RYR3: variants seen among roughly 807,000 people sequenced by gnomAD.
RYR3 encodes the protein ryanodine receptor 3.
RYR3 carries 207 observed loss-of-function variants against 584.3 expected under a neutral mutation model. The ratio of observed to expected loss-of-function variants is 0.35; its 90% CI spans 0.32 to 0.40. The LOEUF (loss-of-function observed/expected upper bound fraction) is 0.40, where lower values mean the gene tolerates loss of function less well. Among genes scored for constraint, RYR3 ranks in the 10% least tolerant of loss-of-function variants. The pLI is 1.00. For missense variants in RYR3, 5,616 were observed against 6,089.2 expected, an observed-to-expected ratio of 0.92 and a Z score of 2.59; for synonymous variants, 2,416 against 2,248.5, an observed-to-expected ratio of 1.07 and a Z score of -2.11.
chr15:33,323,949 G>A (rs16969324), intron 1 of RYR3, among the ~76,000 whole-genome samples: 10,707 of 152,226 alleles, frequency 0.07, 599 homozygotes, highest in African/African-American at 0.15. Flanking sequence ...ATGCAGATTA[G>A]AAGGCAGGTT....
chr15:33,841,525 A>G (rs12441112), intron 90 of RYR3, among the ~76,000 whole-genome samples: 33,830 of 152,150 alleles, frequency 0.22, 4,098 homozygotes, highest in South Asian at 0.35. Flanking sequence ...CTTTTATACA[A>G]TATCTTATTA....
At chr15:33,766,620 C>T (rs998744011) in intron 60 of RYR3, among the ~76,000 whole-genome samples, 7 of 152,342 alleles carry the variant, frequency 4.6e-5, no homozygotes, top group South Asian at 2.1e-4. Flanking sequence ...CCATTTGTCA[C>T]GGCTGGAATA....
chr15:33,447,176 G>C (rs1436335761), intron 1 of RYR3, among the ~76,000 whole-genome samples: 1 of 152,208 alleles, frequency 6.6e-6, no homozygotes, highest in African/African-American at 2.4e-5. Flanking sequence ...TTTGGAGACA[G>C]CTTCTATTTC....
chr15:33,660,346 G>A lies in RYR3; in HGVS notation c.4545G>A (p.Val1515=), dbSNP rs774289253. The change falls in exon 34 of 104, where the codon GTG becomes GTA. Residue 1515 remains valine, a synonymous_variant. Coordinates refer to ENST00000634891, the MANE Select transcript of RYR3 (RefSeq NM_001036.6). ...NSFLKVETER[V]SERHGWVVQC... ...TCCTGAAGGTGGAGACCGAGCGTGT[G>A]AGCGAGCGCCACGGCTGGGTGGTGC... is the stretch of plus-strand genomic sequence containing the variant. The A allele has an allele frequency of 3.3e-5, 52 of 1,592,502 alleles. No homozygotes were observed. Among genetic ancestry groups the A allele is most frequent in the Non-Finnish European group, 4.3e-5 (50 of 1,170,020 alleles).
chr15:33,634,783 T>C (rs749995657), intron 25 of RYR3, 50 bp downstream of exon 25: 5 of 1,536,292 alleles, frequency 3.3e-6, no homozygotes, highest in Non-Finnish European at 9.0e-7. Flanking sequence ...AAACAGGTCC[T>C]CTTCTTGGGG....
At chr15:33,625,352 C>G (rs1213196730) in intron 20 of RYR3, among the ~76,000 whole-genome samples, 2 of 152,164 alleles carry the variant, frequency 1.3e-5, no homozygotes, top group Admixed American at 1.3e-4. Flanking sequence ...AACTATATCA[C>G]TTTTGATATC....
chr15:33,666,629 C>T (rs77197918), intron 36 of RYR3, among the ~76,000 whole-genome samples: 2 of 152,030 alleles, frequency 1.3e-5, no homozygotes, highest in Non-Finnish European at 2.9e-5. Context: ...CAGTGATATC[C>T]TTCTACAACC....
intron 2 of RYR3, among the ~76,000 whole-genome samples, chr15:33,503,202 C>G (rs987002243): frequency 7.2e-5 from 11 of 152,148 alleles, no homozygotes; most frequent in African/African-American, 2.7e-4. Flanking sequence ...AATGGATTCT[C>G]TATTAGGGTC....
At chr15:33,820,886 G>A in intron 78 of RYR3, 74 bp downstream of exon 78, 6 of 927,476 alleles carry the variant, frequency 6.5e-6, no homozygotes, top group Middle Eastern at 2.2e-4. Context: ...GGTGGGTGCT[G>A]ACATTAGCCT....
chr15:33,778,888 T>C (rs371049598), intron 64 of RYR3, among the ~76,000 whole-genome samples: 52 of 152,246 alleles, frequency 3.4e-4, no homozygotes, highest in African/African-American at 1.2e-3. Context: ...TTTGAAGTTA[T>C]CGGCTCAAAT....
chr15:33,657,092 T>C (rs1008571838), intron 32 of RYR3, among the ~76,000 whole-genome samples: 3 of 152,192 alleles, frequency 2.0e-5, no homozygotes, highest in African/African-American at 7.2e-5. Flanking sequence ...TACACCCTCA[T>C]GAGCCCACAC....
At chr15:33,458,259 G>A (rs1039690649) in intron 1 of RYR3, among the ~76,000 whole-genome samples, 2 of 152,148 alleles carry the variant, frequency 1.3e-5, no homozygotes, top group Non-Finnish European at 2.9e-5. Flanking sequence ...CCCAATGTGA[G>A]GGGGCATCAT....
At chr15:33,788,701 C>A (rs994899635) in intron 67 of RYR3, among the ~76,000 whole-genome samples, 8 of 152,220 alleles carry the variant, frequency 5.3e-5, no homozygotes, top group African/African-American at 1.2e-4. Context: ...CGGGCTACCA[C>A]AGGTCAGAGG....
Position 33,578,779 on chromosome 15 carries a change from C to CAAAAA in RYR3, c.1269-1195_1269-1194insAAAAA, listed in dbSNP as rs371204542. On this transcript the variant is annotated intron_variant, in intron 12 of 103. Transcript: ENST00000634891. ...AGAACTTAGAATAAAAAAAAAAAAA[C>CAAAAA]AACAACAAAAAAAAACTCCTCGTGA... is the stretch of plus-strand genomic sequence containing the variant. Among the ~76,000 whole-genome samples the CAAAAA allele has an allele frequency of 1.1e-3, 76 of 71,918 alleles. 4 individuals carry two copies. The highest frequency in any genetic ancestry group is 1.1e-3 in the South Asian group (2 of 1,868). The allele number at this position is 71,918 out of a possible 152,430, so 47.2% of individuals were successfully genotyped here. A position where few individuals can be genotyped will look rare whatever the true frequency, so the allele number is the denominator to read the frequency against.
intron 1 of RYR3, among the ~76,000 whole-genome samples, chr15:33,360,921 A>G (rs1196218417): frequency 6.6e-6 from 1 of 152,230 alleles, no homozygotes; most frequent in African/African-American, 2.4e-5. Context: ...TTGCACACCC[A>G]CTTCCCCATT....
chr15:33,844,228 CCTT>C (rs2078567861), intron 92 of RYR3, among the ~76,000 whole-genome samples: 1 of 152,154 alleles, frequency 6.6e-6, no homozygotes, highest in African/African-American at 2.4e-5. Context: ...AAACTAATGA[CCTT>C]CTGTTGCCCA....
At chr15:33,418,527 G>A (rs2043993328) in intron 1 of RYR3, among the ~76,000 whole-genome samples, 1 of 152,062 alleles carries the variant, frequency 6.6e-6, no homozygotes, top group Non-Finnish European at 1.5e-5. Context: ...CAAGAGTTGA[G>A]GGTGGCCAGA....
chr15:33,773,349 T>A (rs9972307), intron 63 of RYR3, among the ~76,000 whole-genome samples, 185 bp from the exon 64 acceptor site: 1,830 of 150,504 alleles, frequency 0.012, 36 homozygotes, highest in African/African-American at 0.04. Flanking sequence ...TTTCCTATAT[T>A]TTTTTTTTCC....
At chr15:33,362,433 A>G (rs995153012) in intron 1 of RYR3, among the ~76,000 whole-genome samples, 3 of 152,326 alleles carry the variant, frequency 2.0e-5, no homozygotes, top group Non-Finnish European at 2.9e-5. Context: ...CAGCAGCAGC[A>G]GCAGCATCAG....
Sources: gnomAD v4.1 joint callset for allele counts (sites outside exome capture counted in the v4.1 genomes callset) on GRCh38, gnomAD v4.1.1 for gene constraint, MANE v1.5 for transcripts, NCBI Gene and HGNC (gene_info 2026-07-23, HGNC 2026-07-21) for gene names.